Variants in KIF15 observed in about 807,000 individuals in gnomAD.
The protein encoded by KIF15 is kinesin-like protein KIF15.
KIF15 carries 140 observed loss-of-function variants against 190.6 expected under a neutral mutation model. That is an observed-to-expected ratio of 0.73 (90% CI 0.64 to 0.84). The LOEUF (loss-of-function observed/expected upper bound fraction) is 0.84. Ranked by LOEUF, KIF15 falls within the 40% of genes least tolerant of loss-of-function variation. The pLI, the probability that KIF15 is intolerant of heterozygous loss-of-function variation, is 0.00. For synonymous variants in KIF15, 528 were observed against 551.3 expected (o/e 0.96, Z 0.59); for missense variants, 1,372 against 1,584.4 (o/e 0.87, Z 2.28).
At chr3:44,816,425 G>GT (rs958374016) in intron 20 of KIF15, among the ~76,000 whole-genome samples, 32 of 146,216 alleles carry the variant, frequency 2.2e-4, no homozygotes, top group African/African-American at 8.2e-4. Context: ...CCAGTGTGAT[G>GT]TTCCCCGCCC....
In KIF15 at chr3:44,848,519, A is replaced by G; in HGVS notation, c.3769-2A>G. The G allele has an allele frequency of 8.9e-7, 1 of 1,117,524 alleles. No individual in the cohort carries two copies. Among genetic ancestry groups the G allele is most frequent in the Non-Finnish European group, 1.3e-6 (1 of 761,352 alleles). 69.2% of individuals were successfully genotyped at this position (1,117,524 alleles called of 1,614,324 possible). A position where few individuals can be genotyped will look rare whatever the true frequency, so the allele number is the denominator to read the frequency against. ...TATTTTCTTTTTTTAATCTTCTTAT[A>G]GAGTAAAATAGTTGAAGAAATGCTG... On this transcript the variant is annotated splice_acceptor_variant, in intron 31 of 34. Transcript: ENST00000326047. LOFTEE classifies it high-confidence loss of function.
At chr3:44,782,086 G>T (rs1420691911) in intron 5 of KIF15, among the ~76,000 whole-genome samples, 7 of 151,656 alleles carry the variant, frequency 4.6e-5, no homozygotes, top group Non-Finnish European at 1.0e-4. Flanking sequence ...GCCTGCCCCT[G>T]TCGCCTAGGC....
At chr3:44,830,108 G>A in intron 25 of KIF15, 33 bp downstream of exon 25, 1 of 1,207,318 alleles carries the variant, frequency 8.3e-7, no homozygotes, top group Non-Finnish European at 1.2e-6. Flanking sequence ...TGTTAAATTT[G>A]AGCATGGGAC....
intron 20 of KIF15, among the ~76,000 whole-genome samples, chr3:44,822,498 C>T (rs577591943): frequency 4.6e-5 from 7 of 152,104 alleles, no homozygotes; most frequent in Non-Finnish European, 7.4e-5. Flanking sequence ...TTGCTCTTCT[C>T]GAGGAGTATA....
chr3:44,782,473 A>G (rs1384123562), intron 5 of KIF15, among the ~76,000 whole-genome samples: 1 of 152,244 alleles, frequency 6.6e-6, no homozygotes, highest in Non-Finnish European at 1.5e-5. Context: ...TACTTACAGT[A>G]TGCCCAGCAC....
intron 20 of KIF15, 66 bp downstream of exon 20, chr3:44,815,142 G>A: frequency 2.3e-6 from 3 of 1,299,498 alleles, no homozygotes; most frequent in Non-Finnish European, 3.1e-6. Context: ...TTTGAAGTTG[G>A]AAGTGTTATA....
chr3:44,864,936 C>A, intron 6 of KIF15: 1 of 1,492,094 alleles, frequency 6.7e-7, no homozygotes, highest in Non-Finnish European at 9.1e-7. Context: ...CTTCTGGCTC[C>A]AGACCTTTCC....
intron 14 of KIF15, among the ~76,000 whole-genome samples, chr3:44,804,369 G>A (rs1254737666): frequency 6.6e-6 from 1 of 152,136 alleles, no homozygotes; most frequent in African/African-American, 2.4e-5. Flanking sequence ...CAGTGTTCTA[G>A]GCATTTCCTG....
At chr3:44,803,256 A>G (rs1373458137) in intron 14 of KIF15, among the ~76,000 whole-genome samples, 1 of 152,246 alleles carries the variant, frequency 6.6e-6, no homozygotes, top group Non-Finnish European at 1.5e-5. Flanking sequence ...ATTGATTCAG[A>G]TACTATGTTA....
intron 20 of KIF15, among the ~76,000 whole-genome samples, 194 bp downstream of exon 20, chr3:44,815,270 T>G (rs145540112): frequency 1.3e-4 from 20 of 152,332 alleles, no homozygotes; most frequent in African/African-American, 1.9e-4. Flanking sequence ...AGCAATATTG[T>G]CAGTGTTCTA....
intron 4 of KIF15, among the ~76,000 whole-genome samples, chr3:44,778,854 C>T (rs529972964): frequency 6.6e-6 from 1 of 151,576 alleles, no homozygotes; most frequent in Admixed American, 6.6e-5. Flanking sequence ...TGGTAGTGGT[C>T]GCCTGTAGTC....
At position 44,820,980 on chromosome 3, in the gene KIF15, C is replaced by T. The variant is rs1384370004; in HGVS notation, c.2550-5059C>T. On this transcript the variant is annotated intron_variant, in intron 20 of 34. Transcript: ENST00000326047. ...ACGGGGTGGCTGGCCGGGCAGGGGG[C>T]TGACCCCCCCACCTCCCTCCCGGAC... Among the ~76,000 whole-genome samples, 39 of 149,116 alleles carry T rather than the reference C, an allele frequency of 2.6e-4. No homozygotes were observed. In the East Asian group the frequency reaches 7.4e-3, roughly 28 times the overall value.
intron 1 of KIF15, among the ~76,000 whole-genome samples, chr3:44,765,352 A>C (rs1705332772): frequency 6.6e-6 from 1 of 152,126 alleles, no homozygotes; most frequent in Admixed American, 6.5e-5. Context: ...GGGGCTTCTT[A>C]TTGTTGTTTG....
intron 5 of KIF15, among the ~76,000 whole-genome samples, chr3:44,784,325 A>G (rs1191773730): frequency 3.4e-5 from 5 of 148,882 alleles, no homozygotes; most frequent in African/African-American, 1.2e-4. Context: ...GGCGCCCGCT[A>G]CCACGCCCGG....
intron 6 of KIF15, chr3:44,863,310 C>CCG (rs1559602425): frequency 8.5e-6 from 1 of 117,540 alleles, no homozygotes; most frequent in South Asian, 4.8e-4. Flanking sequence ...ACCCCCCCCC[C>CCG]CCGCCGCCTT....
downstream of KIF15, among the ~76,000 whole-genome samples, chr3:44,854,903 TTATAAC>T (rs1699170628): frequency 1.3e-5 from 2 of 152,196 alleles, no homozygotes; most frequent in South Asian, 2.1e-4. Flanking sequence ...CTTAATTTGA[TTATAAC>T]TATAATGACC....
downstream of KIF15, among the ~76,000 whole-genome samples, chr3:44,855,916 CT>C (rs923301112): frequency 1.3e-5 from 2 of 151,032 alleles, no homozygotes; most frequent in African/African-American, 4.9e-5. Context: ...TTTGAGAGTT[CT>C]TTTTTTTTAA....
intron 20 of KIF15, among the ~76,000 whole-genome samples, chr3:44,818,584 A>T (rs1708128969): frequency 6.6e-6 from 1 of 152,140 alleles, no homozygotes; most frequent in South Asian, 2.1e-4. Flanking sequence ...TGCATGCCAT[A>T]GATACAGCCG....
chr3:44,783,864 AATAG>A (rs1378951424), intron 5 of KIF15, among the ~76,000 whole-genome samples: 1 of 152,212 alleles, frequency 6.6e-6, no homozygotes, highest in Non-Finnish European at 1.5e-5. Context: ...TTGATTGTTA[AATAG>A]ATCTAGATCT....
Sources: allele counts gnomAD v4.1 joint callset (sites outside exome capture counted in the v4.1 genomes callset), GRCh38; gene constraint gnomAD v4.1.1; transcripts MANE v1.5; gene names NCBI Gene and HGNC (gene_info 2026-07-23, HGNC 2026-07-21).